The following GRM7 variants were observed in gnomAD, a reference collection of about 807,000 sequenced individuals.
GRM7 encodes the protein glutamate metabotropic receptor 7.
GRM7 carries 35 observed loss-of-function variants against 84.5 expected under a neutral mutation model. That is an observed-to-expected ratio of 0.41 (90% CI 0.32 to 0.55). The LOEUF is 0.55. Ranked by LOEUF, GRM7 falls within the 20% of genes least tolerant of loss-of-function variation. GRM7 has a pLI of 0.19. For synonymous variants in GRM7, 487 were observed against 455.1 expected (o/e 1.07, Z -0.89); for missense variants, 1,003 against 1,194.6 (o/e 0.84, Z 2.36).
intron 5 of GRM7, among the ~76,000 whole-genome samples, chr3:7,450,401 A>T (rs772367516): frequency 6.6e-6 from 1 of 152,158 alleles, no homozygotes; most frequent in African/African-American, 2.4e-5. Context: ...ACATGAATTT[A>T]CCCTTTGACA....
At chr3:7,419,524 C>T (rs533146030) in intron 5 of GRM7, among the ~76,000 whole-genome samples, 19 of 152,286 alleles carry the variant, frequency 1.2e-4, no homozygotes, top group African/African-American at 4.6e-4. Flanking sequence ...TGTATCCTTA[C>T]ATGTCTAATA....
intron 5 of GRM7, among the ~76,000 whole-genome samples, chr3:7,434,542 A>T (rs1427003627): frequency 6.6e-6 from 1 of 152,190 alleles, no homozygotes; most frequent in East Asian, 1.9e-4. Context: ...ATATGTTTGT[A>T]TCTGTTGAGA....
At chr3:6,874,078 C>G (rs1695219559) in intron 1 of GRM7, among the ~76,000 whole-genome samples, 1 of 152,218 alleles carries the variant, frequency 6.6e-6, no homozygotes, top group Non-Finnish European at 1.5e-5. Flanking sequence ...ATTGTAACCT[C>G]TCTAAGCCTG....
intron 4 of GRM7, among the ~76,000 whole-genome samples, chr3:7,374,173 GA>G (rs1694250007): frequency 6.6e-6 from 1 of 152,090 alleles, no homozygotes; most frequent in African/African-American, 2.4e-5. Flanking sequence ...TAACATGAGT[GA>G]AACAGGCTTT....
intron 9 of GRM7, among the ~76,000 whole-genome samples, chr3:7,698,988 G>A (rs929387573): frequency 6.6e-6 from 1 of 152,182 alleles, no homozygotes; most frequent in African/African-American, 2.4e-5. Context: ...GGGGCGGGAA[G>A]TATTGTCAGA....
chr3:7,217,497 A>G (rs746242108), intron 2 of GRM7, among the ~76,000 whole-genome samples: 6 of 152,284 alleles, frequency 3.9e-5, no homozygotes, highest in South Asian at 2.1e-4. Context: ...TATACCTTCT[A>G]TTTCACTTAG....
intron 7 of GRM7, among the ~76,000 whole-genome samples, chr3:7,551,475 T>C (rs1693471322): frequency 6.6e-6 from 1 of 152,180 alleles, no homozygotes; most frequent in African/African-American, 2.4e-5. Flanking sequence ...GTCTTGTGTC[T>C]TCTTCCAACA....
intron 1 of GRM7, among the ~76,000 whole-genome samples, chr3:7,013,823 C>G (rs1353062633): frequency 2.0e-5 from 3 of 151,958 alleles, no homozygotes; most frequent in Admixed American, 6.6e-5. Flanking sequence ...TCTTTCAGGT[C>G]TTTTATTTTT....
intron 1 of GRM7, among the ~76,000 whole-genome samples, chr3:7,001,314 C>T (rs1337353785): frequency 6.6e-6 from 1 of 152,056 alleles, no homozygotes; most frequent in African/African-American, 2.4e-5. Context: ...TGTGCAACTG[C>T]ACTCCAACCT....
At position 7,298,795 on chromosome 3, in the gene GRM7, T is replaced by C. The variant is rs1485823903; in HGVS notation, c.848T>C (p.Val283Ala). 1 of 1,613,644 alleles carries C rather than the reference T, an allele frequency of 6.2e-7. No individual in the cohort carries two copies. The highest frequency in any genetic ancestry group is 1.3e-5 in the African/African-American group (1 of 74,896). ...CTGGACACCCCCAACTCCAGGGCCG[T>C]CGTGATTTTTGCCAACGATGAGGAT... ...QLLDTPNSRA[V>A]VIFANDEDIK... Residue 283 changes from valine to alanine, a missense_variant, in exon 3 of 10, where the codon GTC becomes GCC. Val to Ala is a moderately conservative substitution (Grantham distance 64, BLOSUM62 0). Around this residue, in one of 2 missense-constraint regions of GRM7, gnomAD observed 910 missense variants for 1,126.0 expected, o/e 0.81. Transcript: ENST00000357716.
chr3:7,550,297 C>G (rs1230259690), intron 7 of GRM7, among the ~76,000 whole-genome samples: 1 of 133,774 alleles, frequency 7.5e-6, no homozygotes, highest in Non-Finnish European at 1.6e-5. Context: ...TCTTCTTCCT[C>G]TCCCTCCTCC....
intron 2 of GRM7, among the ~76,000 whole-genome samples, chr3:7,276,645 G>C (rs7632888): frequency 0.88 from 134,205 of 151,814 alleles, 59,467 homozygotes; most frequent in East Asian, 0.98. Flanking sequence ...TTTTTCAGAT[G>C]ATCCCAAACC....
chr3:7,359,333 CTTTT>C (rs372075812), intron 4 of GRM7, among the ~76,000 whole-genome samples: 2 of 98,520 alleles, frequency 2.0e-5, no homozygotes, highest in Admixed American at 1.1e-4. Context: ...CCCTCCTCCT[CTTTT>C]TTTTTTTTTT....
intron 2 of GRM7, among the ~76,000 whole-genome samples, chr3:7,265,094 G>A (rs569886733): frequency 6.6e-6 from 1 of 152,208 alleles, no homozygotes. Flanking sequence ...CTAGATTTTT[G>A]TAATTTCTTC....
chr3:7,373,422 G>A (rs1364837112), intron 4 of GRM7, among the ~76,000 whole-genome samples: 9 of 151,980 alleles, frequency 5.9e-5, no homozygotes, highest in African/African-American at 2.2e-4. Context: ...TGGATGTTTA[G>A]GCTAAGCTTT....
intron 2 of GRM7, among the ~76,000 whole-genome samples, chr3:7,276,207 A>G (rs5846501): frequency 0.48 from 45,913 of 95,738 alleles, 8,602 homozygotes; most frequent in Admixed American, 0.58. Context: ...ATATATATAT[A>G]TGTGTGTGTG....
chr3:7,419,174 G>C (rs1208724346), intron 5 of GRM7, among the ~76,000 whole-genome samples: 2 of 152,012 alleles, frequency 1.3e-5, no homozygotes, highest in Non-Finnish European at 2.9e-5. Context: ...ATTTTTACTG[G>C]GGTGCACACT....
intron 1 of GRM7, among the ~76,000 whole-genome samples, chr3:7,007,746 G>T (rs960931060): frequency 6.6e-6 from 1 of 152,166 alleles, no homozygotes; most frequent in Non-Finnish European, 1.5e-5. Context: ...AAGTTCATCT[G>T]TAGATTGTTT....
At chr3:6,908,606 G>C (rs543416479) in intron 1 of GRM7, among the ~76,000 whole-genome samples, 1 of 152,140 alleles carries the variant, frequency 6.6e-6, no homozygotes, top group Admixed American at 6.6e-5. Flanking sequence ...CACTCTGACT[G>C]CTAAAATTCA....
Sources: gnomAD v4.1 joint callset for allele counts (sites outside exome capture counted in the v4.1 genomes callset) on GRCh38, gnomAD v4.1.1 for gene constraint, gnomAD v4.1.1 regional missense constraint, MANE v1.5 for transcripts, NCBI Gene and HGNC (gene_info 2026-07-23, HGNC 2026-07-21) for gene names.